DRC8: variants seen among roughly 807,000 people sequenced by gnomAD.
DRC8 encodes the protein dynein regulatory complex protein 8.
At chr1:245,106,278 ATC>A in the DRC8 span, among the ~76,000 whole-genome samples, 1 of 152,192 alleles carries the variant, frequency 6.6e-6, no homozygotes, top group African/African-American at 2.4e-5. Context: ...GTCACAGTGA[ATC>A]TCTCTGGGAG....
chr1:245,045,727 A>C, the DRC8 span, among the ~76,000 whole-genome samples: 1 of 152,210 alleles, frequency 6.6e-6, no homozygotes, highest in Non-Finnish European at 1.5e-5. Context: ...CTGTGCAAAC[A>C]GACTTGGCAG....
the DRC8 span, chr1:245,002,273 C>A: frequency 1.3e-6 from 2 of 1,510,642 alleles, no homozygotes; most frequent in Non-Finnish European, 1.8e-6. Context: ...CTGTGTCAAT[C>A]GCTTAACCAT....
At chr1:245,070,811 A>G in the DRC8 span, among the ~76,000 whole-genome samples, 1 of 152,216 alleles carries the variant, frequency 6.6e-6, no homozygotes, top group African/African-American at 2.4e-5. Flanking sequence ...ATGAGATAGT[A>G]TTAAGAGGTG....
chr1:245,078,093 G>T, the DRC8 span, among the ~76,000 whole-genome samples: 7 of 152,124 alleles, frequency 4.6e-5, no homozygotes, highest in Non-Finnish European at 7.4e-5. Flanking sequence ...TGTCCAACAG[G>T]TATATGAACA....
the DRC8 span, among the ~76,000 whole-genome samples, chr1:244,997,981 A>G: frequency 7.9e-5 from 12 of 151,974 alleles, no homozygotes; most frequent in African/African-American, 2.9e-4. Context: ...TTCCACTATC[A>G]TTCTGGGTGG....
the DRC8 span, among the ~76,000 whole-genome samples, chr1:245,018,090 G>A: frequency 3.9e-5 from 6 of 152,036 alleles, no homozygotes; most frequent in Non-Finnish European, 7.4e-5. Flanking sequence ...AGCCGGGCAC[G>A]ATGGCAGGCA....
At chr1:245,008,826 G>A in the DRC8 span, among the ~76,000 whole-genome samples, 1 of 151,602 alleles carries the variant, frequency 6.6e-6, no homozygotes, top group Non-Finnish European at 1.5e-5. Flanking sequence ...GTGCCACCAT[G>A]CCTGGCTAAT....
the DRC8 span, among the ~76,000 whole-genome samples, chr1:245,050,262 C>T: frequency 2.0e-5 from 3 of 151,744 alleles, no homozygotes; most frequent in Non-Finnish European, 4.4e-5. Flanking sequence ...TTTTATTAGA[C>T]GGATTTTCGC....
the DRC8 span, chr1:245,121,851 T>A: frequency 2.4e-6 from 1 of 421,160 alleles, no homozygotes; most frequent in East Asian, 7.5e-5. Flanking sequence ...AGCTACTTCT[T>A]CATCTACTTT....
the DRC8 span, among the ~76,000 whole-genome samples, chr1:245,075,316 G>A: frequency 2.0e-5 from 3 of 152,144 alleles, no homozygotes; most frequent in African/African-American, 7.2e-5. Context: ...ATCCAAAATG[G>A]ATTAAGAAAA....
chr1:245,109,192 C>T, the DRC8 span, among the ~76,000 whole-genome samples: 1 of 152,172 alleles, frequency 6.6e-6, no homozygotes, highest in Non-Finnish European at 1.5e-5. Flanking sequence ...TACTCCGACT[C>T]TCATCAGGCA....
the DRC8 span, among the ~76,000 whole-genome samples, chr1:245,066,121 A>C: frequency 6.6e-6 from 1 of 152,082 alleles, no homozygotes; most frequent in Admixed American, 6.6e-5. Context: ...CTCAGCTTCC[A>C]AAATTTTATT....
the DRC8 span, among the ~76,000 whole-genome samples, chr1:245,047,784 C>G: frequency 2.0e-5 from 3 of 152,092 alleles, no homozygotes; most frequent in South Asian, 2.1e-4. Flanking sequence ...CTAGCTTGGC[C>G]AACATGGTGA....
the DRC8 span, among the ~76,000 whole-genome samples, chr1:245,026,482 A>G: frequency 6.6e-6 from 1 of 152,202 alleles, no homozygotes; most frequent in African/African-American, 2.4e-5. Flanking sequence ...ATGTGGAGAG[A>G]TTGCATGGAC....
the DRC8 span, chr1:244,970,214 CA>C: frequency 1.3e-6 from 1 of 756,700 alleles, no homozygotes; most frequent in Non-Finnish European, 2.3e-6. Flanking sequence ...GGTCTTCCCC[CA>C]GCGCGAGGGT....
chr1:245,082,049 T>C, the DRC8 span: 1 of 1,530,768 alleles, frequency 6.5e-7, no homozygotes, highest in Non-Finnish European at 9.1e-7. Context: ...ATTTGTTGAA[T>C]GACTAAATGG....
the DRC8 span, among the ~76,000 whole-genome samples, chr1:245,074,393 C>T: frequency 6.4e-4 from 98 of 152,274 alleles, no homozygotes; most frequent in African/African-American, 2.1e-3. Flanking sequence ...CGGCACTCAC[C>T]CTTAAGTAGA....
the DRC8 span, among the ~76,000 whole-genome samples, chr1:245,120,386 A>G: frequency 6.6e-6 from 1 of 152,178 alleles, no homozygotes; most frequent in Non-Finnish European, 1.5e-5. Flanking sequence ...GTAGTATTCT[A>G]TTGCGTGAAT....
chr1:245,022,383 C>G, the DRC8 span, among the ~76,000 whole-genome samples: 1 of 151,544 alleles, frequency 6.6e-6, no homozygotes, highest in Admixed American at 6.6e-5. Flanking sequence ...AGGCTGGTCT[C>G]GAATTCCTGG....
Sources: allele counts gnomAD v4.1 joint callset (sites outside exome capture counted in the v4.1 genomes callset), GRCh38; gene constraint gnomAD v4.1.1; transcripts MANE v1.5; gene names NCBI Gene and HGNC (gene_info 2026-07-23, HGNC 2026-07-21).